FIRRM: variants seen among roughly 807,000 people sequenced by gnomAD.
FIRRM encodes the protein FIGNL1 interacting regulator of recombination and mitosis.
chr1:169,804,786 G>A, the FIRRM span, among the ~76,000 whole-genome samples: 12 of 152,074 alleles, frequency 7.9e-5, no homozygotes, highest in Admixed American at 5.2e-4. Flanking sequence ...GGACTCAAGC[G>A]ATTCTCCTGC....
chr1:169,837,609 G>A, the FIRRM span, among the ~76,000 whole-genome samples: 1 of 152,128 alleles, frequency 6.6e-6, no homozygotes, highest in Non-Finnish European at 1.5e-5. Flanking sequence ...TTGAAATTTC[G>A]AGTTTAGTGT....
the FIRRM span, chr1:169,804,259 CT>C: frequency 6.9e-7 from 1 of 1,447,934 alleles, no homozygotes; most frequent in Non-Finnish European, 9.2e-7. Flanking sequence ...AGAAAACTTT[CT>C]GCTTAGTATA....
the FIRRM span, chr1:169,832,570 T>C: frequency 3.6e-6 from 4 of 1,117,368 alleles, no homozygotes; most frequent in South Asian, 1.4e-5. Context: ...TCAGACTCCT[T>C]TGATAGCCTT....
the FIRRM span, among the ~76,000 whole-genome samples, chr1:169,811,778 T>C: frequency 1.3e-5 from 2 of 151,396 alleles, no homozygotes; most frequent in African/African-American, 2.4e-5. Flanking sequence ...ATTATCTAAA[T>C]AGATAATAGA....
the FIRRM span, among the ~76,000 whole-genome samples, chr1:169,802,121 T>G: frequency 2.6e-5 from 4 of 152,334 alleles, no homozygotes; most frequent in South Asian, 8.3e-4. Flanking sequence ...AAAGCTTGTT[T>G]GTAAGGTCAT....
chr1:169,810,834 A>ATTTTTTTTTTTTTTT, the FIRRM span, among the ~76,000 whole-genome samples: 15 of 61,208 alleles, frequency 2.5e-4, 2 homozygotes, highest in East Asian at 5.5e-4. Context: ...TTAGCCCCCA[A>ATTTTTTTTTTTTTTT]TTTTTTTTTT....
chr1:169,793,142 T>C, the FIRRM span: 1 of 1,614,174 alleles, frequency 6.2e-7, no homozygotes. Context: ...CCCAGCAAAT[T>C]TCACTTTGGC....
the FIRRM span, among the ~76,000 whole-genome samples, chr1:169,792,320 C>A: frequency 1.5e-4 from 23 of 152,220 alleles, no homozygotes; most frequent in African/African-American, 5.5e-4. Flanking sequence ...GGTAAAAGGT[C>A]AAATAGAATG....
At chr1:169,848,595 C>T in the FIRRM span, among the ~76,000 whole-genome samples, 2 of 152,342 alleles carry the variant, frequency 1.3e-5, no homozygotes, top group Admixed American at 6.5e-5. Context: ...AGTATCCCAT[C>T]TGTCTCCATC....
the FIRRM span, chr1:169,842,447 T>C: frequency 6.2e-7 from 1 of 1,614,036 alleles, no homozygotes; most frequent in African/African-American, 1.3e-5. Context: ...GCTTGCAGTA[T>C]GTAATTCTGC....
At chr1:169,807,522 T>G in the FIRRM span, among the ~76,000 whole-genome samples, 10 of 152,246 alleles carry the variant, frequency 6.6e-5, no homozygotes, top group Non-Finnish European at 1.2e-4. Context: ...TGTCCATTTG[T>G]TTGACCCCTT....
the FIRRM span, chr1:169,832,508 C>G: frequency 6.2e-7 from 1 of 1,606,428 alleles, no homozygotes; most frequent in Non-Finnish European, 8.5e-7. Context: ...CCCCATCAGG[C>G]AAGGAAGGAT....
chr1:169,789,101 G>C, the FIRRM span, among the ~76,000 whole-genome samples: 1 of 152,116 alleles, frequency 6.6e-6, no homozygotes, highest in African/African-American at 2.4e-5. Context: ...CGCTAGTTAT[G>C]ATGGCAATTT....
At chr1:169,807,756 G>C in the FIRRM span, 2 of 1,534,306 alleles carry the variant, frequency 1.3e-6, no homozygotes, top group Non-Finnish European at 1.7e-6. Context: ...TGTGTTACTT[G>C]TGGTGATTGT....
chr1:169,841,973 C>T, the FIRRM span, among the ~76,000 whole-genome samples: 1 of 151,788 alleles, frequency 6.6e-6, no homozygotes, highest in Non-Finnish European at 1.5e-5. Context: ...GTCAAGAGAT[C>T]GAGACCATCC....
the FIRRM span, among the ~76,000 whole-genome samples, chr1:169,809,615 A>G: frequency 0.037 from 5,671 of 152,292 alleles, 174 homozygotes; most frequent in South Asian, 0.11. Flanking sequence ...GTATATCTTC[A>G]GTTTATATAA....
At chr1:169,790,819 G>C in the FIRRM span, among the ~76,000 whole-genome samples, 2 of 152,148 alleles carry the variant, frequency 1.3e-5, no homozygotes, top group Non-Finnish European at 2.9e-5. Flanking sequence ...GGTAAGTCTG[G>C]AATTGTAGCT....
At chr1:169,784,442 C>T in the FIRRM span, among the ~76,000 whole-genome samples, 6 of 152,030 alleles carry the variant, frequency 3.9e-5, no homozygotes, top group African/African-American at 1.4e-4. Context: ...ATTTTTTTTC[C>T]CCAGCACTCT....
At chr1:169,822,318 A>G in the FIRRM span, among the ~76,000 whole-genome samples, 1 of 152,346 alleles carries the variant, frequency 6.6e-6, no homozygotes, top group East Asian at 1.9e-4. Context: ...TCTGACTATA[A>G]TAAATCGTCA....
Sources: allele counts gnomAD v4.1 joint callset (sites outside exome capture counted in the v4.1 genomes callset), GRCh38; gene constraint gnomAD v4.1.1; transcripts MANE v1.5; gene names NCBI Gene and HGNC (gene_info 2026-07-23, HGNC 2026-07-21).